Variants in ACOXL observed in about 807,000 individuals in gnomAD.
The protein encoded by ACOXL is acyl-coenzyme A oxidase-like protein.
A neutral mutation model predicts 71.9 loss-of-function variants in ACOXL; 70 were observed. That is an observed-to-expected ratio of 0.97 (90% CI 0.80 to 1.19). ACOXL has a LOEUF of 1.19. Among genes scored for constraint, ACOXL ranks in the 50% most tolerant of loss-of-function variants. The probability of loss-of-function intolerance (pLI) is 0.00; values close to 1 mark genes in which losing one functional copy is unlikely to be tolerated. For synonymous variants in ACOXL, 253 were observed against 281.6 expected, an observed-to-expected ratio of 0.90 and a Z score of 1.02; for missense variants, 703 against 736.3, an observed-to-expected ratio of 0.95 and a Z score of 0.52.
At chr2:110,817,253 A>G (rs1024668023) in intron 9 of ACOXL, among the ~76,000 whole-genome samples, 1 of 152,032 alleles carries the variant, frequency 6.6e-6, no homozygotes, top group African/African-American at 2.4e-5. Context: ...GCTCACAGCA[A>G]CTCCACCAGG....
intron 5 of ACOXL, among the ~76,000 whole-genome samples, chr2:110,796,707 C>T (rs751721547): frequency 3.9e-5 from 6 of 152,214 alleles, no homozygotes; most frequent in Admixed American, 1.3e-4. Context: ...TCAAGCAATG[C>T]CTCTCCTTGA....
At chr2:110,989,784 G>T (rs571891261) in intron 13 of ACOXL, among the ~76,000 whole-genome samples, 2 of 152,148 alleles carry the variant, frequency 1.3e-5, no homozygotes, top group Non-Finnish European at 2.9e-5. Flanking sequence ...TGGCTTATGC[G>T]TGTATCAGCA....
chr2:111,067,449 G>T (rs752880205), intron 16 of ACOXL, among the ~76,000 whole-genome samples: 19 of 152,130 alleles, frequency 1.2e-4, no homozygotes, highest in Non-Finnish European at 2.1e-4. Flanking sequence ...AAAACAGTAG[G>T]TTGGATTTTT....
chr2:111,023,503 T>C (rs1023690851), intron 14 of ACOXL, among the ~76,000 whole-genome samples: 1 of 152,140 alleles, frequency 6.6e-6, no homozygotes, highest in Non-Finnish European at 1.5e-5. Flanking sequence ...GGAAGTGGTA[T>C]TGGGCTGGAA....
chr2:110,817,318 G>A (rs1688034914), intron 9 of ACOXL, among the ~76,000 whole-genome samples: 1 of 152,244 alleles, frequency 6.6e-6, no homozygotes, highest in African/African-American at 2.4e-5. Flanking sequence ...GCAGCTTGGC[G>A]AGGCAATCAC....
At chr2:110,838,834 C>T (rs1351669511) in intron 9 of ACOXL, among the ~76,000 whole-genome samples, 4 of 152,340 alleles carry the variant, frequency 2.6e-5, no homozygotes, top group East Asian at 3.9e-4. Context: ...CCACATAGCA[C>T]GGAGGCTTTC....
intron 11 of ACOXL, among the ~76,000 whole-genome samples, chr2:110,922,665 G>C (rs768678279): frequency 2.6e-5 from 4 of 152,070 alleles, no homozygotes; most frequent in Non-Finnish European, 5.9e-5. Context: ...TATAAGTGCT[G>C]TGTTACACTG....
At chr2:111,097,686 A>G (rs1351541642) in intron 17 of ACOXL, among the ~76,000 whole-genome samples, 93 of 152,232 alleles carry the variant, frequency 6.1e-4, no homozygotes, top group Non-Finnish European at 5.9e-5. Flanking sequence ...GAAGGAGCCA[A>G]CTGAGAGAGC....
chr2:110,994,447 GT>G (rs11385924), intron 13 of ACOXL, among the ~76,000 whole-genome samples: 2 of 150,128 alleles, frequency 1.3e-5, no homozygotes, highest in Non-Finnish European at 3.0e-5. Context: ...AGCCACTTGG[GT>G]TTTTTTTTAG....
At chr2:110,816,554 T>C (rs897357866) in intron 9 of ACOXL, among the ~76,000 whole-genome samples, 10 of 152,190 alleles carry the variant, frequency 6.6e-5, no homozygotes, top group African/African-American at 1.9e-4. Context: ...TTGTTTTTAT[T>C]TCCTGCAGTG....
intron 9 of ACOXL, among the ~76,000 whole-genome samples, chr2:110,816,233 T>C (rs1687906613): frequency 6.6e-6 from 1 of 151,728 alleles, no homozygotes; most frequent in Non-Finnish European, 1.5e-5. Context: ...GATGGATGGA[T>C]GGATGGATGA....
chr2:110,988,573 T>A (rs2063035426), intron 13 of ACOXL, among the ~76,000 whole-genome samples: 1 of 152,220 alleles, frequency 6.6e-6, no homozygotes, highest in Non-Finnish European at 1.5e-5. Context: ...GGAGTAATGT[T>A]CAACTTTACT....
intron 10 of ACOXL, among the ~76,000 whole-genome samples, chr2:110,860,251 C>T (rs1454827435): frequency 1.3e-5 from 2 of 152,202 alleles, no homozygotes; most frequent in East Asian, 3.9e-4. Flanking sequence ...GCTGGGACTA[C>T]AGGCACCTGC....
Position 110,945,649 on chromosome 2 carries a change from T to C in ACOXL, c.1059+12007T>C, listed in dbSNP as rs1205263563. Among the ~76,000 whole-genome samples, 4 of 152,172 alleles carry C rather than the reference T, an allele frequency of 2.6e-5. No homozygotes were observed. The East Asian group carries it at 7.7e-4, about 29-fold the overall frequency. ...GTCATCTTTGTCGAAGATCAGGTGA[T>C]CAGAGGTGTGTGGCCTTCTTTCTGG... is the stretch of plus-strand genomic sequence containing the variant. On this transcript the variant is annotated intron_variant, in intron 12 of 17. Coordinates refer to ENST00000439055, the MANE Select transcript of ACOXL (RefSeq NM_001142807.4).
At chr2:110,755,948 A>G (rs1318885604) in intron 1 of ACOXL, among the ~76,000 whole-genome samples, 2 of 152,214 alleles carry the variant, frequency 1.3e-5, no homozygotes, top group Non-Finnish European at 2.9e-5. Context: ...TGTATTGTTA[A>G]TCACTATTTC....
intron 17 of ACOXL, among the ~76,000 whole-genome samples, chr2:111,116,873 G>A (rs958880357): frequency 1.3e-5 from 2 of 152,096 alleles, no homozygotes; most frequent in African/African-American, 2.4e-5. Context: ...AAATACACCA[G>A]TGCAGCTTCC....
chr2:110,835,575 C>G (rs1204727756), intron 9 of ACOXL, among the ~76,000 whole-genome samples: 6 of 152,304 alleles, frequency 3.9e-5, no homozygotes, highest in Admixed American at 3.9e-4. Flanking sequence ...CTCCTCCAGA[C>G]CTGCCAGTGG....
At chr2:110,810,020 C>G (rs1379067232) in intron 9 of ACOXL, among the ~76,000 whole-genome samples, 2 of 152,176 alleles carry the variant, frequency 1.3e-5, no homozygotes, top group South Asian at 4.1e-4. Flanking sequence ...ATCCGGCTCT[C>G]CACCACTCAG....
At chr2:110,856,645 T>C (rs1196275939) in intron 10 of ACOXL, among the ~76,000 whole-genome samples, 1 of 152,216 alleles carries the variant, frequency 6.6e-6, no homozygotes, top group Non-Finnish European at 1.5e-5. Flanking sequence ...CCTCAAATTG[T>C]AAAAGGTACA....
Sources: gnomAD v4.1 joint callset for allele counts (sites outside exome capture counted in the v4.1 genomes callset) on GRCh38, gnomAD v4.1.1 for gene constraint, MANE v1.5 for transcripts, NCBI Gene and HGNC (gene_info 2026-07-23, HGNC 2026-07-21) for gene names.